Variants in RGS7 observed in about 807,000 individuals in gnomAD.
RGS7 encodes the protein regulator of G-protein signaling 7.
Under a neutral mutation model 81.1 loss-of-function variants are expected in RGS7, and 27 were observed. That is an observed-to-expected ratio of 0.33 (90% CI 0.25 to 0.46). The LOEUF is 0.46. Among genes scored for constraint, RGS7 ranks in the 20% least tolerant of loss-of-function variants. The pLI is 1.00. For synonymous variants in RGS7, 208 were observed against 207.7 expected, an observed-to-expected ratio of 1.00 and a Z score of -0.01; for missense variants, 396 against 607.4, an observed-to-expected ratio of 0.65 and a Z score of 3.66.
intron 2 of RGS7, among the ~76,000 whole-genome samples, chr1:241,338,215 C>G (rs1181873265): frequency 6.6e-6 from 1 of 152,118 alleles, no homozygotes; most frequent in African/African-American, 2.4e-5. Flanking sequence ...TAAGAATGTA[C>G]AATTTCCACC....
At chr1:241,086,557 C>T (rs1383062581) in intron 3 of RGS7, among the ~76,000 whole-genome samples, 1 of 151,968 alleles carries the variant, frequency 6.6e-6, no homozygotes, top group Admixed American at 6.6e-5. Context: ...AGACTACAGC[C>T]ACAGTACCCA....
intron 2 of RGS7, among the ~76,000 whole-genome samples, chr1:241,184,137 C>T (rs1037857297): frequency 1.3e-5 from 2 of 152,082 alleles, no homozygotes; most frequent in African/African-American, 4.8e-5. Context: ...GTCATTTATT[C>T]AGTGACTGGA....
intron 2 of RGS7, among the ~76,000 whole-genome samples, chr1:241,100,307 A>G (rs6429239): frequency 0.44 from 66,195 of 149,764 alleles, 18,942 homozygotes; most frequent in African/African-American, 0.82. Flanking sequence ...CCCAGGAGGC[A>G]GAGCTTGCAG....
At chr1:241,110,419 G>A (rs140309322) in intron 2 of RGS7, among the ~76,000 whole-genome samples, 9 of 152,154 alleles carry the variant, frequency 5.9e-5, no homozygotes, top group South Asian at 2.1e-4. Flanking sequence ...CAACCTCTAT[G>A]TGTAACAAAA....
At chr1:241,063,507 T>C (rs2061856056) in intron 3 of RGS7, among the ~76,000 whole-genome samples, 1 of 152,218 alleles carries the variant, frequency 6.6e-6, no homozygotes, top group Admixed American at 6.5e-5. Context: ...GCAGGTGATT[T>C]AGTCAATAGG....
At chr1:241,338,807 CTG>C (rs1386353290) in intron 2 of RGS7, among the ~76,000 whole-genome samples, 4 of 151,758 alleles carry the variant, frequency 2.6e-5, no homozygotes, top group Admixed American at 2.6e-4. Context: ...AATCTTGAGA[CTG>C]TACAGTACTC....
intron 2 of RGS7, among the ~76,000 whole-genome samples, chr1:241,339,436 A>T (rs566811326): frequency 6.6e-6 from 1 of 152,338 alleles, no homozygotes; most frequent in South Asian, 2.1e-4. Context: ...AAAGGACTAG[A>T]TTTATTCCTA....
chr1:240,930,724 T>C lies in RGS7; in HGVS notation c.378A>G (p.Thr126=). 1 of 1,613,782 alleles carries C rather than the reference T, an allele frequency of 6.2e-7. No homozygotes were observed. Among genetic ancestry groups the C allele is most frequent in the Non-Finnish European group, 8.5e-7 (1 of 1,179,734 alleles). The change falls in exon 6 of 19, where the codon ACA becomes ACG. Residue 126 remains threonine (T), a synonymous_variant. Transcript: ENST00000440928. ...ATGAGAGATGGCACTGACCATAATC[T>C]GTGTTTTCCGGCTCCCAACAATTTG... ...WPSNCWEPEN[T]DYAVYLCKRT... is the part of the protein sequence containing the mutation.
At chr1:240,819,556 T>C (rs1691408674) in intron 10 of RGS7, among the ~76,000 whole-genome samples, 1 of 152,096 alleles carries the variant, frequency 6.6e-6, no homozygotes, top group Admixed American at 6.6e-5. Flanking sequence ...CTGGCCAACA[T>C]GGTGAAACCC....
intron 2 of RGS7, among the ~76,000 whole-genome samples, chr1:241,172,184 T>C (rs1005448573): frequency 6.6e-6 from 1 of 152,148 alleles, no homozygotes; most frequent in Non-Finnish European, 1.5e-5. Context: ...AGGCACTTTT[T>C]GATTTTTGTC....
intron 18 of RGS7, among the ~76,000 whole-genome samples, chr1:240,789,638 C>T (rs996226564): frequency 6.6e-6 from 1 of 152,296 alleles, no homozygotes; most frequent in Non-Finnish European, 1.5e-5. Context: ...TCTCCTGTAG[C>T]GCTCCCAGGC....
At chr1:241,068,281 T>C (rs1238227774) in intron 3 of RGS7, among the ~76,000 whole-genome samples, 1 of 140,564 alleles carries the variant, frequency 7.1e-6, no homozygotes, top group Non-Finnish European at 1.5e-5. Flanking sequence ...TATATAATAT[T>C]ACGTGTATAA....
Position 241,220,995 on chromosome 1 carries a change from A to G in RGS7, c.79-122233T>C, listed in dbSNP as rs867393477. On this transcript the variant is annotated intron_variant, in intron 2 of 18. Coordinates refer to ENST00000440928, the MANE Select transcript of RGS7 (RefSeq NM_001364886.1). ...GAAGGAAGGAAGGAAGGAAGGAAGGAAGAGAGAGAGAAAGGAAGGAAGGAA... is the reference window on the plus strand; with the variant it reads ...GAAGGAAGGAAGGAAGGAAGGAAGGGAGAGAGAGAGAAAGGAAGGAAGGAA... Among the ~76,000 whole-genome samples, 12 of 42,320 alleles carry G rather than the reference A, an allele frequency of 2.8e-4. 1 individual carries two copies. The highest frequency in any genetic ancestry group is 6.5e-4 in the African/African-American group (9 of 13,808). 27.8% of individuals were successfully genotyped at this position (42,320 alleles called of 152,430 possible). A position where few individuals can be genotyped will look rare whatever the true frequency, so the allele number is the denominator to read the frequency against.
At chr1:240,895,077 G>C (rs1668832727) in intron 6 of RGS7, among the ~76,000 whole-genome samples, 1 of 151,976 alleles carries the variant, frequency 6.6e-6, no homozygotes, top group African/African-American at 2.4e-5. Context: ...TCATCTAAAA[G>C]TGTGTGGCCC....
intron 18 of RGS7, among the ~76,000 whole-genome samples, chr1:240,776,623 G>A (rs1682990508): frequency 6.6e-6 from 1 of 152,134 alleles, no homozygotes; most frequent in Non-Finnish European, 1.5e-5. Flanking sequence ...TAATGTGAGT[G>A]CATTCTTGTT....
intron 6 of RGS7, among the ~76,000 whole-genome samples, chr1:240,874,564 C>G (rs1665038749): frequency 6.6e-6 from 1 of 152,036 alleles, no homozygotes; most frequent in Non-Finnish European, 1.5e-5. Context: ...CAGGAGCTTT[C>G]CTTTATTATT....
At chr1:241,284,344 G>T (rs2078681658) in intron 2 of RGS7, among the ~76,000 whole-genome samples, 1 of 152,068 alleles carries the variant, frequency 6.6e-6, no homozygotes, top group African/African-American at 2.4e-5. Flanking sequence ...GGAGGTAGAA[G>T]TCTAGTTTTG....
intron 3 of RGS7, among the ~76,000 whole-genome samples, chr1:241,056,416 T>G (rs781307607): frequency 1.3e-5 from 2 of 152,212 alleles, no homozygotes; most frequent in Non-Finnish European, 2.9e-5. Flanking sequence ...TTTTTGTGTG[T>G]GCCTTTATTT....
intron 4 of RGS7, among the ~76,000 whole-genome samples, chr1:240,947,764 C>T (rs919861533): frequency 1.3e-5 from 2 of 152,178 alleles, no homozygotes; most frequent in African/African-American, 4.8e-5. Context: ...TGTGCAAGCC[C>T]TCAACAATTT....
Sources: gnomAD v4.1 joint callset for allele counts (sites outside exome capture counted in the v4.1 genomes callset) on GRCh38, gnomAD v4.1.1 for gene constraint, MANE v1.5 for transcripts, NCBI Gene and HGNC (gene_info 2026-07-23, HGNC 2026-07-21) for gene names.